Variants in ADGRG4 observed in about 807,000 individuals in gnomAD.
ADGRG4 encodes the protein G protein-coupled receptor 112.
ADGRG4 carries 122 observed loss-of-function variants against 126.2 expected under a neutral mutation model. The observed-to-expected ratio is 0.97, with a 90% CI of 0.83 to 1.12. The LOEUF (loss-of-function observed/expected upper bound fraction) is 1.12. Among genes scored for constraint, ADGRG4 ranks in the 50% most tolerant of loss-of-function variants. The pLI is 0.00. For missense variants in ADGRG4, 2,481 were observed against 2,251.8 expected, an observed-to-expected ratio of 1.10 and a Z score of -2.06; for synonymous variants, 943 against 838.7, an observed-to-expected ratio of 1.12 and a Z score of -2.15.
Position 136,346,915 on chromosome X carries a change from C to A in ADGRG4, c.3209C>A (p.Thr1070Asn). 2 of 1,211,145 alleles carry A rather than the reference C, an allele frequency of 1.7e-6. No homozygotes were observed. Among genetic ancestry groups the A allele is most frequent in the Non-Finnish European group, 2.2e-6 (2 of 895,029 alleles). Reference sequence around the variant, plus strand: ...GCATTGGTACCACCTTTGGATCAGACTGCTTCCACAACCATTGTTATTGTG... The same window carrying A: ...GCATTGGTACCACCTTTGGATCAGAATGCTTCCACAACCATTGTTATTGTG... Reference protein sequence around the residue: ...TTALVPPLDQTASTTIVIVPT... With the variant: ...TTALVPPLDQNASTTIVIVPT... The change falls in exon 6 of 26, where the codon ACT (threonine) becomes AAT (asparagine). Residue 1070 changes from threonine to asparagine, a missense_variant. Transcript: ENST00000394143.
At chrX:136,342,769 T>G (rs1249990745) in intron 5 of ADGRG4, among the ~76,000 whole-genome samples, 2 of 109,822 alleles carry the variant, frequency 1.8e-5, no homozygotes, top group Non-Finnish European at 3.8e-5. Context: ...TAGCACAAAT[T>G]GAGACTGAAG....
chrX:136,353,246 G>T, intron 7 of ADGRG4, 91 bp from the exon 8 acceptor site: 1 of 599,497 alleles, frequency 1.7e-6, no homozygotes, highest in Non-Finnish European at 2.8e-6. Context: ...AATAATGAGT[G>T]CAGCTTAATG....
intron 19 of ADGRG4, among the ~76,000 whole-genome samples, chrX:136,395,726 C>T (rs758689294): frequency 3.4e-4 from 38 of 111,872 alleles, no homozygotes; most frequent in Middle Eastern, 4.6e-3. Context: ...CCTTTAACCT[C>T]CCTCCCAAGT....
chrX:136,403,364 G>A (rs922291442), intron 22 of ADGRG4, 42 bp downstream of exon 22: 1 of 1,004,095 alleles, frequency 1.0e-6, no homozygotes, highest in East Asian at 3.0e-5. Flanking sequence ...TGGGGCTCTG[G>A]CCCAGCAGGG....
intron 20 of ADGRG4, among the ~76,000 whole-genome samples, chrX:136,398,464 C>T (rs2075362464): frequency 8.9e-6 from 1 of 112,144 alleles, no homozygotes; most frequent in Admixed American, 9.4e-5. Flanking sequence ...AGGCACCTCA[C>T]AAAAGAGAAT....
chrX:136,357,413 C>T (rs1413291367), intron 9 of ADGRG4, among the ~76,000 whole-genome samples: 1 of 112,063 alleles, frequency 8.9e-6, no homozygotes, highest in Non-Finnish European at 1.9e-5. Flanking sequence ...GGCTTAGATT[C>T]TGCTCCTAGT....
At chrX:136,313,654 G>C (rs1305587238) in intron 4 of ADGRG4, among the ~76,000 whole-genome samples, 1 of 112,009 alleles carries the variant, frequency 8.9e-6, no homozygotes, top group Non-Finnish European at 1.9e-5. Context: ...ACCATATTCT[G>C]TCTCAGGCTA....
intron 13 of ADGRG4, 59 bp from the exon 14 acceptor site, chrX:136,371,269 C>A: frequency 1.3e-6 from 1 of 798,788 alleles, no homozygotes. Flanking sequence ...GAAAGAAGCA[C>A]ACCAGAATGG....
chrX:136,380,920 G>T (rs1478122133), intron 15 of ADGRG4, among the ~76,000 whole-genome samples: 1 of 108,528 alleles, frequency 9.2e-6, no homozygotes, highest in Non-Finnish European at 1.9e-5. Context: ...GTCTTTCTTT[G>T]TTGCCCACAG....
At chrX:136,374,643 C>T (rs936963077) in intron 15 of ADGRG4, among the ~76,000 whole-genome samples, 33 of 110,708 alleles carry the variant, frequency 3.0e-4, no homozygotes, top group African/African-American at 9.9e-4. Flanking sequence ...TTGGCCAGGC[C>T]GGTCTCAAAC....
chrX:136,338,302 C>T lies in ADGRG4; in HGVS notation c.686-6090C>T, dbSNP rs947224697. On this transcript the variant is annotated intron_variant, in intron 5 of 25. Transcript: ENST00000394143. ...CCTCCTGAGTATCTGGCACTCAACACCATGTCTGGCTAATTTTTGTATTTT... is the reference window on the plus strand; with the variant it reads ...CCTCCTGAGTATCTGGCACTCAACATCATGTCTGGCTAATTTTTGTATTTT... 4.5e-5 allele frequency among the ~76,000 whole-genome samples: 5 copies of T among 110,221 alleles called. No individual in the cohort carries two copies. In the Admixed American group the frequency reaches 4.8e-4, roughly 11 times the overall value.
At chrX:136,331,056 G>A (rs1242816780) in intron 5 of ADGRG4, among the ~76,000 whole-genome samples, 3 of 108,171 alleles carry the variant, frequency 2.8e-5, no homozygotes, top group Non-Finnish European at 3.8e-5. Context: ...GAGTTCAATT[G>A]TTTTGATTTT....
intron 15 of ADGRG4, 151 bp from the exon 16 acceptor site, chrX:136,387,589 T>G: frequency 2.1e-6 from 1 of 472,806 alleles, no homozygotes; most frequent in Non-Finnish European, 3.7e-6. Context: ...TGTGTGTGTG[T>G]GTGTGAAAAG....
At position 136,414,321 on chromosome X, in the gene ADGRG4, C is replaced by T. The variant is rs2075465086; in HGVS notation, c.9199C>T (p.Pro3067Ser). 1 of 1,187,398 alleles carries T rather than the reference C, an allele frequency of 8.4e-7. No individual in the cohort carries two copies. Among genetic ancestry groups the T allele is most frequent in the African/African-American group, 1.8e-5 (1 of 56,198 alleles). Residue 3067 changes from proline to serine, a missense_variant, in exon 25 of 26, where the codon CCA becomes TCA. Transcript: ENST00000394143. The stretch of plus-strand genomic sequence containing the variant: ...AGGCACACCTTCAGAAATAAGCTTT[C>T]CAAATGGTAAGAAAAAAAGGCTGTG... The part of the protein sequence containing the change: ...AQGTPSEISF[P>S]NDDFDKDPYC...
At position 136,316,392 on chromosome X, in the gene ADGRG4, GA is replaced by G. The variant is rs1162467523; in HGVS notation, c.71-6375del. 4.5e-3 allele frequency among the ~76,000 whole-genome samples: 458 copies of G among 102,370 alleles called. 2 individuals carry two copies. Among genetic ancestry groups the G allele is most frequent in the East Asian group, 7.0e-3 (23 of 3,308 alleles). The allele number at this position is 102,370 out of a possible 115,157, so 88.9% of individuals were successfully genotyped here. On this transcript the variant is annotated intron_variant, in intron 4 of 25. Coordinates refer to ENST00000394143, the MANE Select transcript of ADGRG4 (RefSeq NM_153834.4). ...AAGCAGAAAACAAAGGGATTTTGCT[GA>G]AAAAAAAAAACAAACCATTCAGATT...
chrX:136,354,485 C>A (rs1360864349), intron 8 of ADGRG4, among the ~76,000 whole-genome samples: 1 of 111,570 alleles, frequency 9.0e-6, no homozygotes, highest in Non-Finnish European at 1.9e-5. Context: ...ACCAACACAA[C>A]AATCAATATA....
rs747961786 is a variant in ADGRG4 at position 136,405,988 on chromosome X, T to C, written c.8935+16T>C. ...ACTTTGCAAGGTAACTGGTGCTTTT[T>C]TGCCTTTTCTGTGGCCAGCTACACA... On this transcript the variant is annotated intron_variant, in intron 23 of 25. Coordinates refer to ENST00000394143, the MANE Select transcript of ADGRG4 (RefSeq NM_153834.4). 1 of 1,129,050 alleles carries C rather than the reference T, an allele frequency of 8.9e-7. No homozygotes were observed. The highest frequency in any genetic ancestry group is 2.3e-5 in the South Asian group (1 of 43,247). The allele number at this position is 1,129,050 out of a possible 1,213,427, so 93.0% of individuals were successfully genotyped here.
At chrX:136,396,791 CT>C (rs778121909) in intron 19 of ADGRG4, among the ~76,000 whole-genome samples, 226 of 91,995 alleles carry the variant, frequency 2.5e-3, no homozygotes, top group Non-Finnish European at 2.3e-3. Flanking sequence ...ATAGTTCTGT[CT>C]TTTTTTTTTT....
intron 5 of ADGRG4, among the ~76,000 whole-genome samples, chrX:136,323,603 C>T (rs1326533328): frequency 3.6e-5 from 4 of 109,956 alleles, no homozygotes; most frequent in Non-Finnish European, 7.6e-5. Context: ...CACACACACA[C>T]ACACACACAC....
Sources: gnomAD v4.1 joint callset for allele counts (sites outside exome capture counted in the v4.1 genomes callset) on GRCh38, gnomAD v4.1.1 for gene constraint, MANE v1.5 for transcripts, NCBI Gene and HGNC (gene_info 2026-07-23, HGNC 2026-07-21) for gene names.